The following CALD1 variants were observed in gnomAD, a reference collection of about 807,000 sequenced individuals.
CALD1 encodes the protein caldesmon 1.
A neutral mutation model predicts 99.9 loss-of-function variants in CALD1; 33 were observed. The observed-to-expected ratio is 0.33, with a 90% CI of 0.25 to 0.44. CALD1 has a LOEUF of 0.44. CALD1 is among the 20% of genes least tolerant of loss of function. The pLI is 1.00. For synonymous variants in CALD1, 310 were observed against 325.0 expected, an observed-to-expected ratio of 0.95 and a Z score of 0.50; for missense variants, 861 against 962.1, an observed-to-expected ratio of 0.89 and a Z score of 1.39.
At chr7:134,826,118 G>T (rs1404132306) in intron 1 of CALD1, among the ~76,000 whole-genome samples, 1 of 151,894 alleles carries the variant, frequency 6.6e-6, no homozygotes, top group East Asian at 1.9e-4. Flanking sequence ...AATTAAAGAG[G>T]GGTGAACAAA....
chr7:134,744,890 T>C (rs774559222), intron 1 of CALD1, among the ~76,000 whole-genome samples: 2 of 152,190 alleles, frequency 1.3e-5, no homozygotes, highest in Non-Finnish European at 2.9e-5. Flanking sequence ...TGGACTCTCA[T>C]AGAACTTTAC....
At chr7:134,782,725 T>G (rs779692077) in intron 1 of CALD1, among the ~76,000 whole-genome samples, 16 of 152,214 alleles carry the variant, frequency 1.1e-4, no homozygotes, top group Non-Finnish European at 2.2e-4. Context: ...TACCCTGAAC[T>G]GCCTATCATT....
chr7:134,880,485 A>G (rs1563064167), intron 3 of CALD1, among the ~76,000 whole-genome samples: 1 of 152,236 alleles, frequency 6.6e-6, no homozygotes, highest in African/African-American at 2.4e-5. Flanking sequence ...TTCAAAGACA[A>G]GAAGCATCAT....
intron 3 of CALD1, among the ~76,000 whole-genome samples, chr7:134,921,750 G>A (rs1273788556): frequency 6.6e-6 from 1 of 152,192 alleles, no homozygotes; most frequent in Non-Finnish European, 1.5e-5. Context: ...GGTGGAGGTT[G>A]CAGTGAGCCG....
chr7:134,849,462 G>T (rs747162878), intron 2 of CALD1, among the ~76,000 whole-genome samples: 10 of 152,158 alleles, frequency 6.6e-5, no homozygotes, highest in Non-Finnish European at 1.2e-4. Flanking sequence ...CACAGTATTT[G>T]CACATAATCT....
chr7:134,944,469 G>A (rs1045412350), intron 7 of CALD1: 2 of 148,838 alleles, frequency 1.3e-5, no homozygotes, highest in African/African-American at 5.0e-5. Context: ...GAAAATTATT[G>A]TTCTGGAGGA....
chr7:134,776,495 T>C (rs968240898), upstream of CALD1, among the ~76,000 whole-genome samples: 1 of 152,198 alleles, frequency 6.6e-6, no homozygotes, highest in Non-Finnish European at 1.5e-5. Context: ...TTATCTCTTT[T>C]TTCCACACTG....
At chr7:134,813,317 TTTC>T (rs144108285) in intron 1 of CALD1, among the ~76,000 whole-genome samples, 27,224 of 152,034 alleles carry the variant, frequency 0.18, 2,562 homozygotes, top group East Asian at 0.27. Flanking sequence ...TTAATGAAGA[TTTC>T]TTTTTTTCTT....
intron 4 of CALD1, among the ~76,000 whole-genome samples, chr7:134,932,218 C>T (rs896835386): frequency 6.6e-6 from 1 of 152,178 alleles, no homozygotes; most frequent in Non-Finnish European, 1.5e-5. Flanking sequence ...ATCACTCCCC[C>T]CAACTATGGA....
chr7:134,812,382 A>T (rs1798384964), intron 1 of CALD1, among the ~76,000 whole-genome samples: 1 of 152,190 alleles, frequency 6.6e-6, no homozygotes, highest in Non-Finnish European at 1.5e-5. Flanking sequence ...GAATGACTGA[A>T]TAAGCAGAAT....
At chr7:134,964,175 C>T (rs781159470) in intron 13 of CALD1, among the ~76,000 whole-genome samples, 14 of 152,092 alleles carry the variant, frequency 9.2e-5, no homozygotes, top group Non-Finnish European at 1.5e-4. Flanking sequence ...CCAGCCTGGG[C>T]GACAGAGCAA....
intron 1 of CALD1, among the ~76,000 whole-genome samples, chr7:134,840,985 T>G (rs1481644737): frequency 6.6e-6 from 1 of 152,174 alleles, no homozygotes; most frequent in African/African-American, 2.4e-5. Context: ...TAGGTGGACT[T>G]GAAAAGCAAC....
At chr7:134,729,289 T>A in the CALD1 span, among the ~76,000 whole-genome samples, 1 of 152,200 alleles carries the variant, frequency 6.6e-6, no homozygotes, top group Non-Finnish European at 1.5e-5. Context: ...GTATTATTAC[T>A]CCATTTCTAC....
intron 9 of CALD1, among the ~76,000 whole-genome samples, chr7:134,955,030 A>G (rs904502233): frequency 1.3e-5 from 2 of 152,318 alleles, no homozygotes; most frequent in African/African-American, 4.8e-5. Flanking sequence ...ACCTACTGTT[A>G]ATTTTTAAAT....
At chr7:134,720,724 G>A in the CALD1 span, among the ~76,000 whole-genome samples, 6 of 152,192 alleles carry the variant, frequency 3.9e-5, no homozygotes, top group African/African-American at 1.4e-4. Flanking sequence ...GTAGCAGTTG[G>A]TCAATAGGAA....
At chr7:134,867,872 C>T in intron 3 of CALD1, 68 bp downstream of exon 3, 1 of 1,005,872 alleles carries the variant, frequency 9.9e-7, no homozygotes, top group South Asian at 1.6e-5. Context: ...CCTCAAAGAC[C>T]ATCCTTTTGA....
At chr7:134,926,877 ATT>A (rs1315213050) in intron 3 of CALD1, among the ~76,000 whole-genome samples, 2 of 152,210 alleles carry the variant, frequency 1.3e-5, no homozygotes, top group Non-Finnish European at 2.9e-5. Context: ...TTTAAAGTGT[ATT>A]GTACACTTTA....
In CALD1 at chr7:134,754,378, C is replaced by T. The variant is rs1211674084; in HGVS notation, c.-130+10015C>T. On this transcript the variant is annotated intron_variant, in intron 1 of 13. Coordinates refer to the CALD1 transcript ENST00000417172. ...TTTAAAAAATTCTGTATCATGTCTT[C>T]TTCATGACTTTTTAATACCACCCTT... Among the ~76,000 whole-genome samples the T allele has an allele frequency of 2.6e-5, 4 of 152,278 alleles. No individual in the cohort carries two copies. In the East Asian group the frequency reaches 7.7e-4, roughly 29 times the overall value.
the CALD1 span, among the ~76,000 whole-genome samples, chr7:134,719,398 G>C: frequency 6.6e-6 from 1 of 152,186 alleles, no homozygotes; most frequent in Non-Finnish European, 1.5e-5. Context: ...AGGGTTATGA[G>C]GCTCGCCAGA....
Sources: gnomAD v4.1 joint callset for allele counts (sites outside exome capture counted in the v4.1 genomes callset) on GRCh38, gnomAD v4.1.1 for gene constraint, MANE v1.5 for transcripts, NCBI Gene and HGNC (gene_info 2026-07-23, HGNC 2026-07-21) for gene names.